The following CHD2 variants were observed in gnomAD, a reference collection of about 807,000 sequenced individuals.
The protein encoded by CHD2 is ATP-dependent chromatin remodeler CHD2.
A neutral mutation model predicts 243.9 loss-of-function variants in CHD2; 28 were observed. That is an observed-to-expected ratio of 0.11 (90% CI 0.09 to 0.16). The LOEUF is 0.16. Among genes scored for constraint, CHD2 ranks in the 10% least tolerant of loss-of-function variants. The probability of loss-of-function intolerance (pLI) is 1.00; values close to 1 mark genes in which losing one functional copy is unlikely to be tolerated. For synonymous variants in CHD2, 775 were observed against 779.0 expected (o/e 0.99, Z 0.09); for missense variants, 1,386 against 2,209.8 (o/e 0.63, Z 7.47).
intron 13 of CHD2, among the ~76,000 whole-genome samples, chr15:92,949,623 G>C (rs2053525374): frequency 6.6e-6 from 1 of 152,012 alleles, no homozygotes; most frequent in Admixed American, 6.6e-5. Context: ...TCTTGGGGGG[G>C]TGAAAAAAAG....
intron 32 of CHD2, among the ~76,000 whole-genome samples, chr15:93,001,825 C>T (rs138543421): frequency 3.3e-5 from 5 of 152,280 alleles, no homozygotes; most frequent in African/African-American, 4.8e-5. Context: ...CCAATACATA[C>T]GTACATTTAA....
intron 18 of CHD2, 104 bp downstream of exon 18, chr15:92,972,031 A>G: frequency 7.9e-7 from 1 of 1,271,182 alleles, no homozygotes; most frequent in Non-Finnish European, 1.1e-6. Context: ...ATCAAGGATC[A>G]TCAAAGGAAG....
At chr15:93,023,660 T>C (rs1400118231) in intron 38 of CHD2, among the ~76,000 whole-genome samples, 3 of 149,288 alleles carry the variant, frequency 2.0e-5, no homozygotes, top group South Asian at 2.2e-4. Context: ...CCAACACTTA[T>C]TTCCTGGGTT....
chr15:93,005,884 G>A (rs1164862624), intron 34 of CHD2, among the ~76,000 whole-genome samples: 1 of 152,078 alleles, frequency 6.6e-6, no homozygotes, highest in African/African-American at 2.4e-5. Flanking sequence ...AAGAGAAAAT[G>A]ATATCTAATG....
intron 5 of CHD2, among the ~76,000 whole-genome samples, chr15:92,936,704 C>G (rs1478258576): frequency 6.6e-6 from 1 of 152,014 alleles, no homozygotes; most frequent in Non-Finnish European, 1.5e-5. Context: ...ATTCTAGAGA[C>G]TTAAAATATC....
At chr15:92,991,560 TTTA>T in intron 27 of CHD2, 43 bp downstream of exon 27, 1 of 1,459,988 alleles carries the variant, frequency 6.8e-7, no homozygotes. Flanking sequence ...CTTTTTTGCT[TTTA>T]TTATATAGTA....
chr15:92,971,812 G>A lies in CHD2; in HGVS notation c.2237G>A (p.Gly746Asp). Residue 746 changes from glycine (G) to aspartate (D), a missense_variant, in exon 18 of 39, where the codon GGC (glycine) becomes GAC (aspartate). This residue lies in a region of CHD2 where 118 missense variants were observed against 266.3 expected (regional missense o/e 0.44). Transcript: ENST00000394196. Reference protein sequence around the residue: ...NYKALAKGTRGSTSGFLNIVM... With the variant: ...NYKALAKGTRDSTSGFLNIVM... ...AAGGCTCTTGCCAAAGGAACAAGAG[G>A]CAGCACATCTGGTTTTCTTAATATT... 6.2e-7 allele frequency: 1 copy of A among 1,613,854 alleles called. No individual in the cohort carries two copies. The highest frequency in any genetic ancestry group is 8.5e-7 in the Non-Finnish European group (1 of 1,179,916).
rs1182159823 is a variant in CHD2, at chr15:92,946,232, G to A, written c.1377+16G>A. The A allele has an allele frequency of 1.3e-6, 2 of 1,590,140 alleles. No individual in the cohort carries two copies. Among genetic ancestry groups the A allele is most frequent in the African/African-American group, 2.7e-5 (2 of 74,090 alleles). ...AGAATGCAAGGTATGGTGATGGTTG[G>A]CTTTTGTTTTTTCAGGGAGAAGATA... On this transcript the variant is annotated intron_variant, in intron 12 of 38. Coordinates refer to ENST00000394196, the MANE Select transcript of CHD2 (RefSeq NM_001271.4).
rs1302498638 is a variant in CHD2, at chr15:92,941,927, C to G, written c.798C>G (p.Val266=). 1.2e-6 allele frequency: 2 copies of G among 1,612,838 alleles called. No individual in the cohort carries two copies. Among genetic ancestry groups the G allele is most frequent in the Non-Finnish European group, 1.7e-6 (2 of 1,179,546 alleles). Residue 266 remains valine, a synonymous_variant, in exon 8 of 39, where the codon GTC becomes GTG. Coordinates refer to ENST00000394196, the MANE Select transcript of CHD2 (RefSeq NM_001271.4). ...QQDNSETIEK[V]LDSRLGKKGA... The stretch of plus-strand genomic sequence containing the variant: ...ATAATAGTGAAACTATTGAAAAGGT[C>G]TTAGATTCAAGACTGGGAAAGAAAG...
At chr15:93,002,354 C>T in intron 33 of CHD2, 37 bp downstream of exon 33, 2 of 1,568,298 alleles carry the variant, frequency 1.3e-6, no homozygotes, top group Non-Finnish European at 1.7e-6. Flanking sequence ...ATATCCACAG[C>T]CTTTGCAATT....
rs886395076 is a variant in CHD2, at chr15:92,937,504, G to A, written c.444-14G>A. On this transcript the variant is annotated splice_polypyrimidine_tract_variant and intron_variant, in intron 5 of 38. Transcript: ENST00000394196. ...TTTTAGAAAAAAATTACTTTGTTTT[G>A]CTTTTGATCACAGAGAAAAATGGAA... is the stretch of plus-strand genomic sequence containing the variant. 1.3e-6 allele frequency: 2 copies of A among 1,571,570 alleles called. No individual in the cohort carries two copies. Among genetic ancestry groups the A allele is most frequent in the Non-Finnish European group, 1.7e-6 (2 of 1,159,158 alleles).
intron 2 of CHD2, among the ~76,000 whole-genome samples, chr15:92,909,191 T>C (rs1381453297): frequency 6.6e-6 from 1 of 152,100 alleles, no homozygotes; most frequent in Non-Finnish European, 1.5e-5. Context: ...TCCTTGTAAG[T>C]GTCTTCTAGT....
intron 34 of CHD2, among the ~76,000 whole-genome samples, chr15:93,008,797 G>A (rs1164391351): frequency 1.3e-5 from 2 of 152,158 alleles, no homozygotes; most frequent in East Asian, 1.9e-4. Context: ...ACAGTTTCTG[G>A]TGGGAGAATT....
At chr15:92,953,928 C>A in intron 14 of CHD2, 1 of 173,080 alleles carries the variant, frequency 5.8e-6, no homozygotes, top group Non-Finnish European at 1.2e-5. Flanking sequence ...TCTCAATAGA[C>A]ATATTACTGA....
chr15:92,973,313 T>C (rs1479888336), intron 19 of CHD2, among the ~76,000 whole-genome samples: 1 of 152,242 alleles, frequency 6.6e-6, no homozygotes, highest in Non-Finnish European at 1.5e-5. Flanking sequence ...TCTAGGTGTA[T>C]ATAATCTAGT....
rs1016974207 is a variant in CHD2 at position 93,014,120 on chromosome 15, CA to C, written c.4693-568del. ...AATATTTTTGTTTAAAATATAACTACAAAAAAAAGCTTAGAAAAATACGTGC... is the reference window on the plus strand; with the variant it reads ...AATATTTTTGTTTAAAATATAACTACAAAAAAAGCTTAGAAAAATACGTGC... On this transcript the variant is annotated intron_variant, in intron 36 of 38. Coordinates refer to ENST00000394196, the MANE Select transcript of CHD2 (RefSeq NM_001271.4). Among the ~76,000 whole-genome samples, 23 of 151,436 alleles carry C rather than the reference CA, an allele frequency of 1.5e-4. No homozygotes were observed. In the East Asian group the frequency reaches 3.1e-3, roughly 20 times the overall value.
In CHD2 at chr15:92,942,931, C is replaced by G; in HGVS notation, c.915C>G (p.Ile305Met). The G allele has an allele frequency of 6.2e-7, 1 of 1,614,076 alleles. No homozygotes were observed. The highest frequency in any genetic ancestry group is 8.5e-7 in the Non-Finnish European group (1 of 1,179,974). Reference sequence around the variant, plus strand: ...ACACTGAAAAGGATGAAGGTGAAATCCAGTACCTCATCAAGTGGAAGGGTT... The same window carrying G: ...ACACTGAAAAGGATGAAGGTGAAATGCAGTACCTCATCAAGTGGAAGGGTT... ...DFDTEKDEGE[I>M]QYLIKWKGWS... Residue 305 changes from isoleucine (I) to methionine (M), a missense_variant, in exon 9 of 39, where the codon ATC becomes ATG. Around this residue, in one of 19 missense-constraint regions of CHD2, gnomAD observed 200 missense variants for 292.5 expected, o/e 0.68. Transcript: ENST00000394196.
intron 13 of CHD2, chr15:92,950,482 A>T (rs918262833): frequency 6.6e-6 from 1 of 152,226 alleles, no homozygotes; most frequent in African/African-American, 2.4e-5. Flanking sequence ...CGAAGTACCC[A>T]ATTAAGTGCA....
intron 2 of CHD2, among the ~76,000 whole-genome samples, chr15:92,912,906 T>C (rs1478133384): frequency 6.6e-6 from 1 of 152,196 alleles, no homozygotes; most frequent in Non-Finnish European, 1.5e-5. Context: ...GGCATTCAAA[T>C]AGAGGCAATA....
Sources: gnomAD v4.1 joint callset for allele counts (sites outside exome capture counted in the v4.1 genomes callset) on GRCh38, gnomAD v4.1.1 for gene constraint, gnomAD v4.1.1 regional missense constraint, MANE v1.5 for transcripts, NCBI Gene and HGNC (gene_info 2026-07-23, HGNC 2026-07-21) for gene names.